PDLIM5: variants seen among roughly 807,000 people sequenced by gnomAD.
The protein encoded by PDLIM5 is PDZ and LIM domain protein 5.
Under a neutral mutation model 64.2 loss-of-function variants are expected in PDLIM5, and 34 were observed. The observed-to-expected ratio is 0.53, with a 90% CI of 0.40 to 0.71. PDLIM5 has a LOEUF of 0.71. Ranked by LOEUF, PDLIM5 falls within the 30% of genes least tolerant of loss-of-function variation. The pLI is 0.00. For missense variants in PDLIM5, 683 were observed against 733.6 expected (o/e 0.93, Z 0.80); for synonymous variants, 253 against 269.1 (o/e 0.94, Z 0.59).
At chr4:94,540,195 A>T (rs371992676) in intron 3 of PDLIM5, among the ~76,000 whole-genome samples, 2 of 148,140 alleles carry the variant, frequency 1.4e-5, no homozygotes, top group African/African-American at 5.0e-5. Flanking sequence ...CAGTGGCGCG[A>T]TCTCGGCTCA....
intron 3 of PDLIM5, among the ~76,000 whole-genome samples, chr4:94,570,150 A>G (rs1215660470): frequency 6.6e-6 from 1 of 152,212 alleles, no homozygotes; most frequent in African/African-American, 2.4e-5. Context: ...GAGAAGTATT[A>G]TAATTATCAA....
intron 7 of PDLIM5, among the ~76,000 whole-genome samples, chr4:94,610,514 A>G (rs1243157379): frequency 6.6e-6 from 1 of 151,990 alleles, no homozygotes; most frequent in Non-Finnish European, 1.5e-5. Context: ...TAATCTCTCC[A>G]CTGCTGCCAT....
Position 94,640,455 on chromosome 4 carries a change from G to A in PDLIM5, c.1283+5G>A. 4 of 1,520,782 alleles carry A rather than the reference G, an allele frequency of 2.6e-6. No individual in the cohort carries two copies. Among genetic ancestry groups the A allele is most frequent in the Non-Finnish European group, 3.5e-6 (4 of 1,131,870 alleles). The allele number at this position is 1,520,782 out of a possible 1,614,324, so 94.2% of individuals were successfully genotyped here. ...CCATTGTAACCAGGTCATCAGGTTGGTTGTTTTTTGAAATTTTCTTGAAAG... is the reference window on the plus strand; with the variant it reads ...CCATTGTAACCAGGTCATCAGGTTGATTGTTTTTTGAAATTTTCTTGAAAG... On this transcript the variant is annotated splice_donor_5th_base_variant and intron_variant, in intron 9 of 12. Transcript: ENST00000317968.
At chr4:94,624,955 T>C (rs564115076) in intron 8 of PDLIM5, among the ~76,000 whole-genome samples, 11 of 152,214 alleles carry the variant, frequency 7.2e-5, no homozygotes, top group Non-Finnish European at 1.6e-4. Context: ...TCATCATGAC[T>C]TCATTGTAGA....
rs575611440 is a variant in PDLIM5 at position 94,481,852 on chromosome 4, A to G, written c.96+26468A>G. Among the ~76,000 whole-genome samples, 32 of 151,346 alleles carry G rather than the reference A, an allele frequency of 2.1e-4. No homozygotes were observed. The East Asian group carries it at 2.3e-3, about 11-fold the overall frequency. ...TCTTGATCTCCTGACCTCGTTATCC[A>G]CCCACCTTGGCCTCCGAAAGTGCTT... On this transcript the variant is annotated intron_variant, in intron 2 of 12. Transcript: ENST00000317968.
At chr4:94,459,661 G>A (rs1300374958) in intron 2 of PDLIM5, among the ~76,000 whole-genome samples, 3 of 152,212 alleles carry the variant, frequency 2.0e-5, no homozygotes, top group Admixed American at 1.3e-4. Context: ...ACTAGACAGT[G>A]TCGTAAGACC....
chr4:94,660,957 A>G (rs12331253), intron 11 of PDLIM5, among the ~76,000 whole-genome samples: 86,985 of 151,872 alleles, frequency 0.57, 25,100 homozygotes, highest in Admixed American at 0.59. Context: ...GGTGGTGGGC[A>G]CCTGTAATCC....
rs1193335034 is a variant in PDLIM5 at position 94,472,055 on chromosome 4, C to T, written c.96+16671C>T. On this transcript the variant is annotated intron_variant, in intron 2 of 12. Coordinates refer to ENST00000317968, the MANE Select transcript of PDLIM5 (RefSeq NM_006457.5). The stretch of plus-strand genomic sequence containing the variant: ...ATTATTGAAATAATATTTCTAGATG[C>T]CTCACTTCTTAGATAATATCATCTT... Among the ~76,000 whole-genome samples, 9 of 152,016 alleles carry T rather than the reference C, an allele frequency of 5.9e-5. 1 individual carries two copies. Among genetic ancestry groups the T allele is most frequent in the Non-Finnish European group, 1.2e-4 (8 of 68,014 alleles).
chr4:94,639,629 A>G (rs900430439), intron 8 of PDLIM5, among the ~76,000 whole-genome samples: 2 of 152,186 alleles, frequency 1.3e-5, no homozygotes, highest in African/African-American at 4.8e-5. Context: ...AACAGAGAGA[A>G]TATAGTGAGT....
chr4:94,582,601 T>C (rs1297675078), intron 5 of PDLIM5: 13 of 658,174 alleles, frequency 2.0e-5, no homozygotes, highest in Non-Finnish European at 3.5e-5. Context: ...TTTTATTTCA[T>C]TGTCTTTTCT....
chr4:94,544,766 A>T (rs1732157780), intron 3 of PDLIM5, among the ~76,000 whole-genome samples: 1 of 152,118 alleles, frequency 6.6e-6, no homozygotes, highest in Non-Finnish European at 1.5e-5. Context: ...AGTGATTCTC[A>T]TGCCTCAGCC....
intron 7 of PDLIM5, among the ~76,000 whole-genome samples, chr4:94,591,149 A>G (rs990328724): frequency 2.0e-5 from 3 of 152,222 alleles, no homozygotes; most frequent in Non-Finnish European, 4.4e-5. Context: ...ATAGTGATGA[A>G]TTTGAGGATT....
intron 2 of PDLIM5, among the ~76,000 whole-genome samples, chr4:94,522,350 A>G (rs1410547265): frequency 6.6e-6 from 1 of 152,154 alleles, no homozygotes; most frequent in Non-Finnish European, 1.5e-5. Flanking sequence ...TAAACATAAC[A>G]TAAAAGTTAA....
chr4:94,503,699 C>T (rs1029978332), intron 2 of PDLIM5, among the ~76,000 whole-genome samples: 5 of 152,204 alleles, frequency 3.3e-5, no homozygotes, highest in African/African-American at 4.8e-5. Context: ...TATTTTCCAA[C>T]GTTGATACCT....
At chr4:94,523,962 CT>C in intron 3 of PDLIM5, 87 bp downstream of exon 3, 1 of 878,610 alleles carries the variant, frequency 1.1e-6, no homozygotes, top group South Asian at 1.8e-5. Context: ...TTAACTAAGA[CT>C]CAGTTTCTGC....
chr4:94,657,664 A>C (rs1742313677), intron 11 of PDLIM5, 117 bp downstream of exon 11: 1 of 762,086 alleles, frequency 1.3e-6, no homozygotes, highest in Non-Finnish European at 2.1e-6. Flanking sequence ...ATTGTTTTGG[A>C]AGCATTTAAT....
chr4:94,523,517 G>T (rs1301775128), intron 2 of PDLIM5, among the ~76,000 whole-genome samples: 2 of 151,760 alleles, frequency 1.3e-5, no homozygotes, highest in East Asian at 3.9e-4. Context: ...TTTTTATAGA[G>T]CAAATAAGAA....
intron 2 of PDLIM5, among the ~76,000 whole-genome samples, chr4:94,464,997 A>G (rs1724222498): frequency 6.6e-6 from 1 of 152,154 alleles, no homozygotes; most frequent in African/African-American, 2.4e-5. Flanking sequence ...GCTTCCCATT[A>G]TCTTTTGAAT....
intron 9 of PDLIM5, among the ~76,000 whole-genome samples, chr4:94,648,709 G>C (rs1427528095): frequency 6.6e-6 from 1 of 152,188 alleles, no homozygotes; most frequent in Non-Finnish European, 1.5e-5. Context: ...ATCATGTAGA[G>C]ATCCAGATCT....
Sources: gnomAD v4.1 joint callset for allele counts (sites outside exome capture counted in the v4.1 genomes callset) on GRCh38, gnomAD v4.1.1 for gene constraint, MANE v1.5 for transcripts, NCBI Gene and HGNC (gene_info 2026-07-23, HGNC 2026-07-21) for gene names.